NGEF: variants seen among roughly 807,000 people sequenced by gnomAD.
NGEF encodes the protein neuronal guanine nucleotide exchange factor.
A neutral mutation model predicts 80.9 loss-of-function variants in NGEF; 31 were observed. That is an observed-to-expected ratio of 0.38 (90% CI 0.29 to 0.52). The LOEUF is 0.52. Ranked by LOEUF, NGEF falls within the 20% of genes least tolerant of loss-of-function variation. The probability of loss-of-function intolerance (pLI) is 0.84; values close to 1 mark genes in which losing one functional copy is unlikely to be tolerated. For missense variants in NGEF, 709 were observed against 926.2 expected, an observed-to-expected ratio of 0.77 and a Z score of 3.04; for synonymous variants, 371 against 370.2, an observed-to-expected ratio of 1.00 and a Z score of -0.03.
chr2:232,906,833 A>G (rs1692569392), intron 5 of NGEF, among the ~76,000 whole-genome samples: 1 of 151,860 alleles, frequency 6.6e-6, no homozygotes, highest in African/African-American at 2.4e-5. Flanking sequence ...TTTGTTCTGT[A>G]CTAAGAAAAA....
chr2:233,007,434 G>A (rs1310808520), intron 1 of NGEF, among the ~76,000 whole-genome samples: 2 of 152,174 alleles, frequency 1.3e-5, no homozygotes, highest in Non-Finnish European at 2.9e-5. Flanking sequence ...CCCTGCTCAG[G>A]CTGATCGTGG....
intron 3 of NGEF, among the ~76,000 whole-genome samples, chr2:232,930,890 C>T (rs920444696): frequency 3.3e-5 from 5 of 152,212 alleles, no homozygotes; most frequent in African/African-American, 1.2e-4. Flanking sequence ...TTAACTTGTT[C>T]CAGCATCAAC....
chr2:232,993,178 A>T (rs1238711094), intron 1 of NGEF, among the ~76,000 whole-genome samples: 2 of 134,908 alleles, frequency 1.5e-5, no homozygotes, highest in African/African-American at 5.7e-5. Flanking sequence ...ATATATATAA[A>T]TAAATATATA....
intron 3 of NGEF, among the ~76,000 whole-genome samples, chr2:232,946,986 GT>G (rs1015026896): frequency 6.6e-6 from 1 of 152,130 alleles, no homozygotes; most frequent in Admixed American, 6.5e-5. Flanking sequence ...AGTATGAGGA[GT>G]GCTAGAACAT....
chr2:232,921,613 G>A (rs754416338), intron 4 of NGEF, among the ~76,000 whole-genome samples: 3 of 150,756 alleles, frequency 2.0e-5, no homozygotes, highest in South Asian at 2.1e-4. Context: ...CACCATGGCC[G>A]GCTAGTTTTT....
intron 4 of NGEF, among the ~76,000 whole-genome samples, chr2:232,924,309 GAGGATGCACCAA>G (rs796998440): frequency 3.3e-5 from 5 of 152,292 alleles, no homozygotes; most frequent in African/African-American, 1.2e-4. Flanking sequence ...TCCGTCCTGT[GAGGATGCACCAA>G]AGGATGCACC....
intron 3 of NGEF, among the ~76,000 whole-genome samples, chr2:232,958,975 G>T (rs368691310): frequency 3.9e-5 from 6 of 151,916 alleles, no homozygotes; most frequent in African/African-American, 1.2e-4. Context: ...AAGATATTGA[G>T]GTTAAATATA....
chr2:232,900,811 C>T (rs1273603916), intron 5 of NGEF, among the ~76,000 whole-genome samples: 1 of 152,240 alleles, frequency 6.6e-6, no homozygotes, highest in African/African-American at 2.4e-5. Flanking sequence ...CACACATGCT[C>T]TCACACAATC....
rs567030415 is a variant in NGEF, at chr2:232,934,358, A to G, written c.384-7172T>C. Among the ~76,000 whole-genome samples the G allele has an allele frequency of 2.1e-3, 318 of 151,682 alleles. 2 individuals carry two copies. The highest frequency in any genetic ancestry group is 7.5e-3 in the African/African-American group (308 of 41,342). On this transcript the variant is annotated intron_variant, in intron 3 of 14. Transcript: ENST00000264051. Reference sequence around the variant, plus strand: ...TTTGATGTAACACTAAATGGAAGCTATTCCTTTTATGCTCTGCTGCACCAA... The same window carrying G: ...TTTGATGTAACACTAAATGGAAGCTGTTCCTTTTATGCTCTGCTGCACCAA...
At chr2:232,942,691 A>G (rs574795993) in intron 3 of NGEF, among the ~76,000 whole-genome samples, 1 of 151,950 alleles carries the variant, frequency 6.6e-6, no homozygotes, top group South Asian at 2.1e-4. Flanking sequence ...CCTGGCCAAC[A>G]TGGTGAAACC....
At chr2:233,012,573 G>A in intron 1 of NGEF, 1 of 266,120 alleles carries the variant, frequency 3.8e-6, no homozygotes, top group Non-Finnish European at 7.3e-6. Context: ...TGGCACACAG[G>A]AATCAGGGCA....
chr2:232,900,613 T>TTCACTCAC lies in NGEF; in HGVS notation c.829-5698_829-5697insGTGAGTGA, dbSNP rs71058509. Among the ~76,000 whole-genome samples the TTCACTCAC allele has an allele frequency of 1.3e-4, 5 of 37,738 alleles. 1 individual carries two copies. The highest frequency in any genetic ancestry group is 6.1e-4 in the African/African-American group (4 of 6,560). 24.8% of individuals were successfully genotyped at this position (37,738 alleles called of 152,430 possible). A position where few individuals can be genotyped will look rare whatever the true frequency, so the allele number is the denominator to read the frequency against. On this transcript the variant is annotated intron_variant, in intron 5 of 14. Transcript: ENST00000264051. The stretch of plus-strand genomic sequence containing the variant: ...TCACTCATATACACGTTCACTCACA[T>TTCACTCAC]ACACACACGCTCTCACAGTCACTCA...
intron 1 of NGEF, among the ~76,000 whole-genome samples, chr2:232,992,956 C>T (rs1694679434): frequency 6.7e-6 from 1 of 148,992 alleles, no homozygotes; most frequent in South Asian, 2.1e-4. Context: ...TATTGCACTC[C>T]AGCCTGGGTG....
intron 1 of NGEF, among the ~76,000 whole-genome samples, chr2:232,981,855 C>T (rs1694435699): frequency 6.6e-6 from 1 of 152,224 alleles, no homozygotes; most frequent in Admixed American, 6.5e-5. Flanking sequence ...AGGCAGTAGG[C>T]AAGGTGAACC....
intron 1 of NGEF, among the ~76,000 whole-genome samples, chr2:233,003,716 A>G (rs1695029386): frequency 6.6e-6 from 1 of 152,116 alleles, no homozygotes; most frequent in Non-Finnish European, 1.5e-5. Flanking sequence ...AAAGACGCAA[A>G]GGCCCAGCCC....
At chr2:232,932,163 C>CTTTTTTTTTTTTTTTTTTTTTTTTTT (rs397988249) in intron 3 of NGEF, among the ~76,000 whole-genome samples, 1 of 115,590 alleles carries the variant, frequency 8.7e-6, no homozygotes. Context: ...AATCACCTTT[C>CTTTTTTTTTTTTTTTTTTTTTTTTTT]TTTTTTTTTT....
chr2:232,983,181 C>A (rs1009349641), intron 1 of NGEF, among the ~76,000 whole-genome samples: 6 of 151,964 alleles, frequency 3.9e-5, no homozygotes, highest in Non-Finnish European at 7.4e-5. Context: ...ATTGGGGAGC[C>A]AGCAGTGGGG....
intron 6 of NGEF, 49 bp from the exon 7 acceptor site, chr2:232,893,099 G>C: frequency 6.3e-7 from 1 of 1,578,214 alleles, no homozygotes; most frequent in Non-Finnish European, 8.6e-7. Context: ...GGGTAGGGTG[G>C]GGAATTGTCT....
At chr2:233,012,686 T>C in intron 1 of NGEF, 1 of 369,636 alleles carries the variant, frequency 2.7e-6, no homozygotes, top group Admixed American at 3.6e-5. Flanking sequence ...CTTGCTTTAA[T>C]GCTGTGTTGT....
Sources: allele counts gnomAD v4.1 joint callset (sites outside exome capture counted in the v4.1 genomes callset), GRCh38; gene constraint gnomAD v4.1.1; transcripts MANE v1.5; gene names NCBI Gene and HGNC (gene_info 2026-07-23, HGNC 2026-07-21).